The following MDGA2 variants were observed in gnomAD, a reference collection of about 807,000 sequenced individuals.
The protein encoded by MDGA2 is MAM domain-containing glycosylphosphatidylinositol anchor protein 2.
MDGA2 carries 40 observed loss-of-function variants against 117.8 expected under a neutral mutation model. That is an observed-to-expected ratio of 0.34 (90% confidence interval 0.26 to 0.44). MDGA2 has a LOEUF of 0.44. MDGA2 is among the 20% of genes least tolerant of loss of function. The pLI, the probability that MDGA2 is intolerant of heterozygous loss-of-function variation, is 1.00. For missense variants in MDGA2, 1,123 were observed against 1,250.6 expected (o/e 0.90, Z 1.54); for synonymous variants, 452 against 439.0 (o/e 1.03, Z -0.37).
At chr14:47,622,859 T>C (rs1363946983) in intron 1 of MDGA2, among the ~76,000 whole-genome samples, 1 of 152,136 alleles carries the variant, frequency 6.6e-6, no homozygotes, top group Non-Finnish European at 1.5e-5. Flanking sequence ...TGCCAGATGG[T>C]TGCACTGAAG....
At chr14:46,886,712 GA>G (rs1882690731) in intron 10 of MDGA2, among the ~76,000 whole-genome samples, 1 of 151,722 alleles carries the variant, frequency 6.6e-6, no homozygotes. Flanking sequence ...GAGAATAAGA[GA>G]GAGAAGGAAT....
intron 4 of MDGA2, among the ~76,000 whole-genome samples, chr14:47,134,650 C>T (rs1882362840): frequency 6.6e-6 from 1 of 151,554 alleles, no homozygotes. Context: ...TGAAAAAACA[C>T]ATGGATATAG....
intron 5 of MDGA2, among the ~76,000 whole-genome samples, chr14:47,112,950 T>A (rs1426291910): frequency 2.6e-5 from 4 of 152,142 alleles, no homozygotes; most frequent in Non-Finnish European, 5.9e-5. Flanking sequence ...TGGCATGAGG[T>A]GGTATCTCAT....
At chr14:47,130,130 C>T (rs56080115) in intron 5 of MDGA2, among the ~76,000 whole-genome samples, 15,095 of 151,724 alleles carry the variant, frequency 0.099, 764 homozygotes, top group Middle Eastern at 0.18. Flanking sequence ...GCTTTTGTTG[C>T]CATTGCTTCT....
intron 7 of MDGA2, among the ~76,000 whole-genome samples, chr14:47,046,256 C>T (rs1018080650): frequency 3.9e-5 from 6 of 151,916 alleles, no homozygotes; most frequent in South Asian, 2.1e-4. Flanking sequence ...CTAGGTCATT[C>T]GATGAAGAAC....
Position 46,858,555 on chromosome 14 carries a change from G to A in MDGA2, c.2753-3401C>T, listed in dbSNP as rs573884323. Among the ~76,000 whole-genome samples, 4 of 151,224 alleles carry A rather than the reference G, an allele frequency of 2.6e-5. No individual in the cohort carries two copies. In the East Asian group the frequency reaches 5.9e-4, roughly 22 times the overall value. ...CCATTCTCCTGCCTCAGCCTCCCGAGTAGCTGGGACTACAGGCGCCTGTTA... is the reference window on the plus strand; with the variant it reads ...CCATTCTCCTGCCTCAGCCTCCCGAATAGCTGGGACTACAGGCGCCTGTTA... On this transcript the variant is annotated intron_variant, in intron 14 of 16. Coordinates refer to ENST00000399232, the MANE Select transcript of MDGA2 (RefSeq NM_001113498.3).
intron 1 of MDGA2, among the ~76,000 whole-genome samples, chr14:47,378,004 G>A (rs1891519666): frequency 6.6e-6 from 1 of 152,182 alleles, no homozygotes; most frequent in African/African-American, 2.4e-5. Flanking sequence ...GCCCCTCTGA[G>A]ACGAAGCTTC....
At position 47,467,579 on chromosome 14, in the gene MDGA2, G is replaced by A. The variant is rs544325946; in HGVS notation, c.281-166029C>T. 2.2e-4 allele frequency among the ~76,000 whole-genome samples: 33 copies of A among 152,210 alleles called. No homozygotes were observed. In the South Asian group the frequency reaches 6.4e-3, roughly 30 times the overall value. On this transcript the variant is annotated intron_variant, in intron 1 of 16. Transcript: ENST00000399232. ...GAAGTAGATAAAGAGACAGCAGAAT[G>A]TAGTGGGTACATTGAAAGTCTCTGA...
At chr14:47,631,882 C>T (rs1337017053) in intron 1 of MDGA2, among the ~76,000 whole-genome samples, 2 of 151,996 alleles carry the variant, frequency 1.3e-5, no homozygotes, top group Middle Eastern at 3.2e-3. Context: ...TGAATGCCGC[C>T]CATCACAAAT....
At chr14:47,236,290 C>CAAAAAAAAAAA (rs5808383) in intron 2 of MDGA2, among the ~76,000 whole-genome samples, 1 of 67,252 alleles carries the variant, frequency 1.5e-5, no homozygotes, top group African/African-American at 6.0e-5. Flanking sequence ...GACTCCGCCT[C>CAAAAAAAAAAA]AAAAAAAAAA....
At chr14:47,074,390 C>G (rs1441965682) in intron 6 of MDGA2, among the ~76,000 whole-genome samples, 1 of 151,894 alleles carries the variant, frequency 6.6e-6, no homozygotes, top group Non-Finnish European at 1.5e-5. Flanking sequence ...ACTGCAAGCT[C>G]CGACTTCACG....
At chr14:47,027,817 T>C (rs1284885966) in intron 8 of MDGA2, among the ~76,000 whole-genome samples, 2 of 151,932 alleles carry the variant, frequency 1.3e-5, no homozygotes, top group Non-Finnish European at 2.9e-5. Flanking sequence ...CTAAAGTATA[T>C]TCATCCTAGA....
chr14:47,452,414 C>A (rs1414280276), intron 1 of MDGA2, among the ~76,000 whole-genome samples: 2 of 151,960 alleles, frequency 1.3e-5, no homozygotes, highest in Admixed American at 1.3e-4. Flanking sequence ...AACTTTAAGA[C>A]ATTATTTTTT....
At chr14:47,106,531 G>C (rs186650791) in intron 5 of MDGA2, among the ~76,000 whole-genome samples, 17 of 150,342 alleles carry the variant, frequency 1.1e-4, no homozygotes, top group South Asian at 4.2e-4. Context: ...TCCCATCTGT[G>C]CGGGACCCCA....
chr14:47,091,320 G>C (rs141204773), intron 6 of MDGA2, among the ~76,000 whole-genome samples: 133 of 152,110 alleles, frequency 8.7e-4, no homozygotes, highest in African/African-American at 3.2e-3. Context: ...CACTAAATAA[G>C]ACAATAAACA....
chr14:47,218,428 T>C (rs1468392206), intron 2 of MDGA2, among the ~76,000 whole-genome samples: 2 of 152,162 alleles, frequency 1.3e-5, no homozygotes, highest in Non-Finnish European at 2.9e-5. Flanking sequence ...AATTCATCAA[T>C]TGCCTAGTCA....
At chr14:47,528,063 A>C (rs949614042) in intron 1 of MDGA2, among the ~76,000 whole-genome samples, 2 of 152,202 alleles carry the variant, frequency 1.3e-5, no homozygotes, top group Non-Finnish European at 2.9e-5. Flanking sequence ...TAATACGATT[A>C]CCCTTGACCT....
intron 10 of MDGA2, among the ~76,000 whole-genome samples, chr14:46,901,189 G>C (rs1287546584): frequency 7.7e-6 from 1 of 130,640 alleles, no homozygotes; most frequent in African/African-American, 2.8e-5. Context: ...GTTGTGGGGT[G>C]GGGGGAGGGG....
At chr14:47,452,807 A>G (rs930868469) in intron 1 of MDGA2, among the ~76,000 whole-genome samples, 1 of 152,084 alleles carries the variant, frequency 6.6e-6, no homozygotes, top group African/African-American at 2.4e-5. Flanking sequence ...ATAGCTAAGA[A>G]ATTTTTATAT....
Sources: gnomAD v4.1 joint callset for allele counts (sites outside exome capture counted in the v4.1 genomes callset) on GRCh38, gnomAD v4.1.1 for gene constraint, MANE v1.5 for transcripts, NCBI Gene and HGNC (gene_info 2026-07-23, HGNC 2026-07-21) for gene names.